Variants in SBF2 observed in about 807,000 individuals in gnomAD.
The protein encoded by SBF2 is myotubularin-related protein 13.
A neutral mutation model predicts 225.2 loss-of-function variants in SBF2; 112 were observed. The observed-to-expected ratio is 0.50, with a 90% CI of 0.43 to 0.58. SBF2 has a LOEUF of 0.58. Ranked by LOEUF, SBF2 falls within the 20% of genes least tolerant of loss-of-function variation. SBF2 has a pLI of 0.00. For synonymous variants in SBF2, 763 were observed against 773.3 expected (o/e 0.99, Z 0.22); for missense variants, 1,996 against 2,206.2 (o/e 0.90, Z 1.91).
chr11:10,030,840 C>T (rs1759621553), intron 4 of SBF2, among the ~76,000 whole-genome samples: 1 of 152,138 alleles, frequency 6.6e-6, no homozygotes, highest in Admixed American at 6.5e-5. Flanking sequence ...ACACTACATC[C>T]TTAGAAGTTT....
chr11:9,943,870 T>C (rs1267225757), intron 16 of SBF2, among the ~76,000 whole-genome samples: 1 of 152,212 alleles, frequency 6.6e-6, no homozygotes, highest in Non-Finnish European at 1.5e-5. Flanking sequence ...TCTGATTTCA[T>C]TCCTATGTAT....
In SBF2 at chr11:9,992,971, A is replaced by T; in HGVS notation, c.1167+19T>A. On this transcript the variant is annotated intron_variant, in intron 11 of 39. Transcript: ENST00000256190. ...AGAATATATTTTTTGGACAGATACA[A>T]TATAGTACTCTATCTTACCTTGTGG... 1 of 1,516,044 alleles carries T rather than the reference A, an allele frequency of 6.6e-7. No individual in the cohort carries two copies. Among genetic ancestry groups the T allele is most frequent in the East Asian group, 2.3e-5 (1 of 44,342 alleles). The allele number at this position is 1,516,044 out of a possible 1,614,324, so 93.9% of individuals were successfully genotyped here.
At chr11:10,221,990 C>A (rs1039363373) in intron 1 of SBF2, among the ~76,000 whole-genome samples, 1 of 152,300 alleles carries the variant, frequency 6.6e-6, no homozygotes, top group Non-Finnish European at 1.5e-5. Context: ...GGTAGAGACA[C>A]AAAATCTAGT....
At chr11:9,806,369 C>T (rs1853848041) in intron 32 of SBF2, among the ~76,000 whole-genome samples, 1 of 152,064 alleles carries the variant, frequency 6.6e-6, no homozygotes, top group Admixed American at 6.5e-5. Context: ...TAGTCTAGTC[C>T]AATTGATAAG....
chr11:10,063,652 T>C (rs1002786044), intron 2 of SBF2, among the ~76,000 whole-genome samples: 4 of 151,816 alleles, frequency 2.6e-5, no homozygotes, highest in Admixed American at 6.6e-5. Context: ...CCACCGCGCC[T>C]GGCCAAAAAT....
chr11:10,100,703 C>T (rs1952256458), intron 2 of SBF2, among the ~76,000 whole-genome samples: 1 of 152,114 alleles, frequency 6.6e-6, no homozygotes. Flanking sequence ...AGTTTGGATC[C>T]TTCAGGGGTG....
chr11:10,196,404 G>A (rs987976919), intron 1 of SBF2, among the ~76,000 whole-genome samples: 3 of 151,962 alleles, frequency 2.0e-5, no homozygotes, highest in African/African-American at 7.3e-5. Flanking sequence ...TTTTTGGACA[G>A]GGTCTCACTC....
At chr11:9,985,904 G>T (rs57245182) in intron 13 of SBF2, among the ~76,000 whole-genome samples, 1,699 of 152,176 alleles carry the variant, frequency 0.011, 33 homozygotes, top group African/African-American at 0.039. Context: ...AGAAACAATG[G>T]ATTTAAACTA....
At chr11:10,250,466 T>C (rs966973140) in intron 1 of SBF2, among the ~76,000 whole-genome samples, 3 of 152,282 alleles carry the variant, frequency 2.0e-5, no homozygotes, top group Non-Finnish European at 2.9e-5. Context: ...ATGATCCAAA[T>C]TGAATATACA....
chr11:10,184,536 A>T (rs1441965975), intron 2 of SBF2, among the ~76,000 whole-genome samples: 2 of 152,124 alleles, frequency 1.3e-5, no homozygotes, highest in Non-Finnish European at 2.9e-5. Context: ...GTACATTCAC[A>T]CTGTTGTGCA....
chr11:10,272,873 G>C (rs887522370), intron 1 of SBF2, among the ~76,000 whole-genome samples: 13 of 149,976 alleles, frequency 8.7e-5, no homozygotes, highest in African/African-American at 3.2e-4. Context: ...GAGTTCGAGA[G>C]AGCCTGGCCA....
intron 17 of SBF2, among the ~76,000 whole-genome samples, chr11:9,877,955 C>A (rs1431810505): frequency 6.6e-6 from 1 of 152,334 alleles, no homozygotes; most frequent in African/African-American, 2.4e-5. Context: ...AGTTCTAGAT[C>A]CCTAAGGAAT....
chr11:10,183,708 T>C (rs1365978330), intron 2 of SBF2, among the ~76,000 whole-genome samples: 1 of 152,184 alleles, frequency 6.6e-6, no homozygotes, highest in Non-Finnish European at 1.5e-5. Flanking sequence ...CAAAAACCAA[T>C]TTATGAAGTC....
At chr11:9,859,718 A>G (rs141652906) in intron 17 of SBF2, among the ~76,000 whole-genome samples, 1 of 152,362 alleles carries the variant, frequency 6.6e-6, no homozygotes, top group East Asian at 1.9e-4. Context: ...TACCAGATAT[A>G]TAAGACATCT....
At chr11:10,162,896 C>G (rs1469754876) in intron 2 of SBF2, among the ~76,000 whole-genome samples, 4 of 152,108 alleles carry the variant, frequency 2.6e-5, no homozygotes, top group Non-Finnish European at 4.4e-5. Flanking sequence ...TCAGACTGTC[C>G]CTTTCATCTG....
intron 2 of SBF2, among the ~76,000 whole-genome samples, chr11:10,101,122 A>G (rs1952282332): frequency 6.6e-6 from 1 of 152,210 alleles, no homozygotes; most frequent in South Asian, 2.1e-4. Context: ...CCTAACTCAG[A>G]GAACCCTCCT....
At chr11:9,886,187 G>A (rs189823786) in intron 17 of SBF2, among the ~76,000 whole-genome samples, 12 of 152,286 alleles carry the variant, frequency 7.9e-5, no homozygotes, top group Admixed American at 7.2e-4. Flanking sequence ...ATGATCAATT[G>A]ATTTTTAATG....
chr11:9,877,192 G>A lies in SBF2; in HGVS notation c.1929+18751C>T, dbSNP rs541038662. Among the ~76,000 whole-genome samples the A allele has an allele frequency of 6.6e-5, 10 of 152,218 alleles. 1 individual carries two copies. The highest frequency in any genetic ancestry group is 4.1e-4 in the South Asian group (2 of 4,828). ...ATAGCAGCCATAATAACAATACAAA[G>A]TATTAGTATTTCTATGACAACAATG... is the stretch of plus-strand genomic sequence containing the variant. On this transcript the variant is annotated intron_variant, in intron 17 of 39. Coordinates refer to ENST00000256190, the MANE Select transcript of SBF2 (RefSeq NM_030962.4).
chr11:10,173,293 G>C (rs1956292943), intron 2 of SBF2, among the ~76,000 whole-genome samples: 1 of 152,204 alleles, frequency 6.6e-6, no homozygotes. Context: ...GCACAGGTCA[G>C]TGGGTGCGTG....
Sources: allele counts gnomAD v4.1 joint callset (sites outside exome capture counted in the v4.1 genomes callset), GRCh38; gene constraint gnomAD v4.1.1; transcripts MANE v1.5; gene names NCBI Gene and HGNC (gene_info 2026-07-23, HGNC 2026-07-21).